The following ZNF138 variants were observed in gnomAD, a reference collection of about 807,000 sequenced individuals.
ZNF138 encodes the protein zinc finger protein 138, also known as zinc finger protein 138 (clone pHZ-32).
In ZNF138, 33 loss-of-function variants were observed where a neutral mutation model predicts 33.0. The observed-to-expected ratio is 1.00, with a 90% CI of 0.76 to 1.34. ZNF138 has a LOEUF of 1.34. Ranked by LOEUF, ZNF138 falls within the 40% of genes most tolerant of loss-of-function variation. The pLI, the probability that ZNF138 is intolerant of heterozygous loss-of-function variation, is 0.00. For synonymous variants in ZNF138, 139 were observed against 120.4 expected (o/e 1.15, Z -1.01); for missense variants, 360 against 370.8 (o/e 0.97, Z 0.24).
intron 1 of ZNF138, among the ~76,000 whole-genome samples, chr7:64,810,274 A>G (rs188452489): frequency 0.012 from 1,806 of 150,800 alleles, 16 homozygotes; most frequent in Non-Finnish European, 0.018. Context: ...TGGCCGACAC[A>G]GCGAAACCCC....
At chr7:64,797,614 G>T (rs1190930385) in intron 1 of ZNF138, among the ~76,000 whole-genome samples, 1 of 152,118 alleles carries the variant, frequency 6.6e-6, no homozygotes, top group Admixed American at 6.5e-5. Context: ...TTTATACTGA[G>T]AGAAGCTACA....
At chr7:64,796,303 A>G (rs562278825) in intron 1 of ZNF138, among the ~76,000 whole-genome samples, 1 of 152,260 alleles carries the variant, frequency 6.6e-6, no homozygotes, top group African/African-American at 2.4e-5. Context: ...TGGTCTTCAG[A>G]GAGGGTGGTC....
At chr7:64,847,550 A>G in the ZNF138 span, among the ~76,000 whole-genome samples, 2 of 151,988 alleles carry the variant, frequency 1.3e-5, no homozygotes, top group Non-Finnish European at 2.9e-5. Flanking sequence ...AGGTGCATAT[A>G]TATTTAAGAT....
intron 1 of ZNF138, among the ~76,000 whole-genome samples, chr7:64,806,782 C>T (rs1787636205): frequency 6.6e-6 from 1 of 152,194 alleles, no homozygotes; most frequent in Non-Finnish European, 1.5e-5. Context: ...TATAGCTTAA[C>T]AATGTATATC....
At chr7:64,849,709 CAG>C in the ZNF138 span, among the ~76,000 whole-genome samples, 1 of 152,002 alleles carries the variant, frequency 6.6e-6, no homozygotes, top group African/African-American at 2.4e-5. Context: ...TGCAGGTTGT[CAG>C]GGGTGTGGGG....
At position 64,833,112 on chromosome 7, in the gene ZNF138, T is replaced by TA; in HGVS notation, c.*911dup. The TA allele has an allele frequency of 3.5e-6, 1 of 283,200 alleles. No homozygotes were observed. Among genetic ancestry groups the TA allele is most frequent in the Non-Finnish European group, 7.2e-6 (1 of 139,444 alleles). The allele number at this position is 283,200 out of a possible 1,614,324, so 17.5% of individuals were successfully genotyped here. On this transcript the variant is annotated 3_prime_UTR_variant, in exon 4 of 4. Transcript: ENST00000307355. The stretch of plus-strand genomic sequence containing the variant: ...GAAATTCAAAGAATGTGGTAAAACT[T>TA]ACAATCCTCAAAACTTCTTACACCT...
intron 1 of ZNF138, among the ~76,000 whole-genome samples, chr7:64,810,334 G>A (rs1369587278): frequency 7.0e-6 from 1 of 143,302 alleles, no homozygotes; most frequent in Non-Finnish European, 1.5e-5. Context: ...GCAATCGCAG[G>A]CACTCGGCAG....
At chr7:64,811,894 T>C (rs940334106) in intron 1 of ZNF138, among the ~76,000 whole-genome samples, 1 of 152,168 alleles carries the variant, frequency 6.6e-6, no homozygotes, top group Non-Finnish European at 1.5e-5. Flanking sequence ...TCACATTACA[T>C]AGGGTGAGTC....
chr7:64,825,916 G>A (rs1789575987), intron 3 of ZNF138, among the ~76,000 whole-genome samples: 2 of 152,080 alleles, frequency 1.3e-5, no homozygotes, highest in African/African-American at 4.8e-5. Flanking sequence ...GCTCACTGCA[G>A]CCTCAAACTC....
At position 64,814,997 on chromosome 7, in the gene ZNF138, T is replaced by C. The variant is rs1788492789; in HGVS notation, c.83T>C (p.Val28Ala). 6.2e-7 allele frequency: 1 copy of C among 1,613,160 alleles called. No individual in the cohort carries two copies. Among genetic ancestry groups the C allele is most frequent in the Non-Finnish European group, 8.5e-7 (1 of 1,179,558 alleles). The change falls in exon 2 of 4, where the codon GTA becomes GCA. Residue 28 changes from valine to alanine, a missense_variant. Coordinates refer to ENST00000307355, the MANE Select transcript of ZNF138 (RefSeq NM_001271639.2). ...TGCCTGGACACTGCACAGCGGAATGTATATAGGCATGTGATGTTAGAGAAC... is the reference window on the plus strand; with the variant it reads ...TGCCTGGACACTGCACAGCGGAATGCATATAGGCATGTGATGTTAGAGAAC... ...WQCLDTAQRN[V>A]YRHVMLENYR... is the part of the protein sequence containing the mutation.
the ZNF138 span, among the ~76,000 whole-genome samples, chr7:64,847,998 G>T: frequency 6.6e-6 from 1 of 152,044 alleles, no homozygotes. Context: ...TTTCAAAGAT[G>T]TGTATCAATA....
chr7:64,854,008 CA>C, the ZNF138 span, among the ~76,000 whole-genome samples: 7 of 134,680 alleles, frequency 5.2e-5, no homozygotes, highest in African/African-American at 1.9e-4. Context: ...CTCAAAAAAA[CA>C]AAACAAAACA....
chr7:64,848,704 A>ATT, the ZNF138 span, among the ~76,000 whole-genome samples: 16,309 of 102,538 alleles, frequency 0.16, 2,530 homozygotes, highest in East Asian at 0.42. Flanking sequence ...ATTTTGGTGG[A>ATT]TTTTTTTTTT....
At chr7:64,835,241 C>T (rs1358831754), downstream of ZNF138, 1 of 152,102 alleles carries the variant, frequency 6.6e-6, no homozygotes, top group African/African-American at 2.4e-5. Context: ...CCAATCAGTC[C>T]AGCCTATTTT....
At chr7:64,850,157 C>T in the ZNF138 span, among the ~76,000 whole-genome samples, 2 of 152,230 alleles carry the variant, frequency 1.3e-5, no homozygotes, top group Admixed American at 1.3e-4. Flanking sequence ...TAGCTCAGCT[C>T]TCTAAATTGA....
At chr7:64,818,514 G>A (rs1788858687) in intron 3 of ZNF138, among the ~76,000 whole-genome samples, 1 of 151,974 alleles carries the variant, frequency 6.6e-6, no homozygotes, top group South Asian at 2.1e-4. Flanking sequence ...CACTTTGGGA[G>A]GCTGAGGTGG....
At chr7:64,824,657 A>G (rs1789425563) in intron 3 of ZNF138, among the ~76,000 whole-genome samples, 1 of 152,192 alleles carries the variant, frequency 6.6e-6, no homozygotes, top group East Asian at 1.9e-4. Flanking sequence ...ACATACATAG[A>G]CAAATATAAT....
chr7:64,821,003 A>G (rs1298153445), intron 3 of ZNF138, among the ~76,000 whole-genome samples: 1 of 150,048 alleles, frequency 6.7e-6, no homozygotes, highest in African/African-American at 2.5e-5. Context: ...AAAAAAATTG[A>G]TGATGGCCAT....
the ZNF138 span, among the ~76,000 whole-genome samples, chr7:64,848,704 A>ATTTTTT: frequency 4.4e-4 from 45 of 102,598 alleles, 2 homozygotes; most frequent in Middle Eastern, 0.011. Context: ...ATTTTGGTGG[A>ATTTTTT]TTTTTTTTTT....
Sources: gnomAD v4.1 joint callset for allele counts (sites outside exome capture counted in the v4.1 genomes callset) on GRCh38, gnomAD v4.1.1 for gene constraint, MANE v1.5 for transcripts, NCBI Gene and HGNC (gene_info 2026-07-23, HGNC 2026-07-21) for gene names.